CALN1: variants seen among roughly 807,000 people sequenced by gnomAD.
The protein encoded by CALN1 is calneuron 1.
A neutral mutation model predicts 30.6 loss-of-function variants in CALN1; 17 were observed. The ratio of observed to expected loss-of-function variants is 0.56; its 90% CI spans 0.38 to 0.83. The LOEUF (loss-of-function observed/expected upper bound fraction) is 0.83. Ranked by LOEUF, CALN1 falls within the 40% of genes least tolerant of loss-of-function variation. CALN1 has a pLI of 0.00. For synonymous variants in CALN1, 156 were observed against 131.4 expected, an observed-to-expected ratio of 1.19 and a Z score of -1.28; for missense variants, 291 against 354.9, an observed-to-expected ratio of 0.82 and a Z score of 1.45.
intron 3 of CALN1, among the ~76,000 whole-genome samples, chr7:72,194,590 C>T (rs1562717936): frequency 7.2e-6 from 1 of 138,798 alleles, no homozygotes; most frequent in Non-Finnish European, 1.5e-5. Flanking sequence ...CCTAACTGGC[C>T]TCTTTTTTTT....
chr7:71,953,166 C>A (rs1431234338), intron 5 of CALN1, among the ~76,000 whole-genome samples: 1 of 152,036 alleles, frequency 6.6e-6, no homozygotes, highest in African/African-American at 2.4e-5. Flanking sequence ...TTATGTTGCC[C>A]AGGGTGGTCT....
At chr7:71,947,449 A>G (rs1796462445) in intron 5 of CALN1, among the ~76,000 whole-genome samples, 1 of 152,214 alleles carries the variant, frequency 6.6e-6, no homozygotes, top group East Asian at 1.9e-4. Context: ...TGATACTGAT[A>G]GTGAGAATGA....
chr7:72,347,356 T>C (rs1395241878), intron 2 of CALN1, among the ~76,000 whole-genome samples: 2 of 151,776 alleles, frequency 1.3e-5, no homozygotes, highest in Non-Finnish European at 2.9e-5. Flanking sequence ...AGCCTCTGCC[T>C]CCCGGGTTCA....
At chr7:71,932,442 C>A (rs992807838) in intron 5 of CALN1, among the ~76,000 whole-genome samples, 4 of 152,112 alleles carry the variant, frequency 2.6e-5, no homozygotes, top group South Asian at 2.1e-4. Context: ...GCTGTGGTTA[C>A]AAGCATGAGC....
intron 5 of CALN1, among the ~76,000 whole-genome samples, chr7:71,968,183 G>T (rs569992700): frequency 3.3e-5 from 5 of 152,156 alleles, no homozygotes; most frequent in Admixed American, 2.6e-4. Context: ...GTAAGCTATG[G>T]TAGTACACTC....
chr7:71,790,264 G>A (rs1279613158), intron 6 of CALN1, among the ~76,000 whole-genome samples: 1 of 146,362 alleles, frequency 6.8e-6, no homozygotes, highest in Admixed American at 6.9e-5. Context: ...AAGAAAGAAA[G>A]CAAGAAAGCA....
Position 71,963,861 on chromosome 7 carries a change from T to C in CALN1, c.501+59796A>G, listed in dbSNP as rs985360098. ...AATGGGAAAACTGAGGCACAAAAAT[T>C]AAGTAACTCATCTAACATAAGAGGT... is the stretch of plus-strand genomic sequence containing the variant. On this transcript the variant is annotated intron_variant, in intron 5 of 6. Coordinates refer to ENST00000395275, the MANE Select transcript of CALN1 (RefSeq NM_031468.4). Among the ~76,000 whole-genome samples, 39 of 152,190 alleles carry C rather than the reference T, an allele frequency of 2.6e-4. 1 individual carries two copies. Among genetic ancestry groups the C allele is most frequent in the Admixed American group, 1.7e-3 (26 of 15,286 alleles).
chr7:72,194,058 C>T (rs1486111715), intron 3 of CALN1, among the ~76,000 whole-genome samples: 3 of 152,148 alleles, frequency 2.0e-5, no homozygotes, highest in African/African-American at 7.2e-5. Context: ...CACTCAAGAA[C>T]TTAGTCATCT....
intron 3 of CALN1, among the ~76,000 whole-genome samples, chr7:72,170,710 C>A (rs577454938): frequency 2.0e-5 from 3 of 152,186 alleles, no homozygotes; most frequent in Non-Finnish European, 4.4e-5. Flanking sequence ...AGTTTCAAAA[C>A]AACTAAGAAA....
At chr7:71,900,330 A>C (rs73185058) in intron 5 of CALN1, among the ~76,000 whole-genome samples, 8,420 of 152,308 alleles carry the variant, frequency 0.055, 311 homozygotes, top group Non-Finnish European at 0.088. Context: ...CTATCAAGAG[A>C]AAGAAAGACA....
At chr7:72,334,877 A>C (rs560800367) in intron 2 of CALN1, among the ~76,000 whole-genome samples, 1 of 152,262 alleles carries the variant, frequency 6.6e-6, no homozygotes, top group Non-Finnish European at 1.5e-5. Context: ...TGAAAAACCC[A>C]CACGTCTGCA....
At chr7:72,108,258 T>C (rs1807318115) in intron 3 of CALN1, among the ~76,000 whole-genome samples, 1 of 152,246 alleles carries the variant, frequency 6.6e-6, no homozygotes, top group Admixed American at 6.5e-5. Flanking sequence ...TCTGTTTGCA[T>C]TAGGGACCAC....
At chr7:72,228,198 C>T (rs1440806880) in intron 3 of CALN1, among the ~76,000 whole-genome samples, 1 of 151,956 alleles carries the variant, frequency 6.6e-6, no homozygotes, top group Non-Finnish European at 1.5e-5. Flanking sequence ...TTTCTCTCAT[C>T]TAATTAGTTT....
chr7:72,236,783 ACTAT>A (rs1427653365), intron 3 of CALN1, among the ~76,000 whole-genome samples: 8 of 152,166 alleles, frequency 5.3e-5, no homozygotes, highest in Admixed American at 3.3e-4. Flanking sequence ...GGTATTTGTG[ACTAT>A]CTGTCACATG....
intron 6 of CALN1, among the ~76,000 whole-genome samples, chr7:71,804,072 G>T (rs1312432146): frequency 1.3e-5 from 2 of 151,954 alleles, no homozygotes; most frequent in Admixed American, 6.6e-5. Flanking sequence ...ACAATCTTTG[G>T]GGTCTTATTT....
upstream of CALN1, among the ~76,000 whole-genome samples, chr7:72,452,049 G>T (rs1391474748): frequency 6.6e-6 from 1 of 152,130 alleles, no homozygotes; most frequent in African/African-American, 2.4e-5. Flanking sequence ...CACTTTGGGA[G>T]AATTGAATGG....
chr7:72,284,143 A>G (rs2129554398), intron 2 of CALN1, among the ~76,000 whole-genome samples: 1 of 152,144 alleles, frequency 6.6e-6, no homozygotes, highest in South Asian at 2.1e-4. Flanking sequence ...AATTTTAAAA[A>G]TTTTAGTCAG....
chr7:72,308,562 G>A (rs765246449), intron 2 of CALN1, among the ~76,000 whole-genome samples: 6 of 152,124 alleles, frequency 3.9e-5, no homozygotes, highest in Admixed American at 6.5e-5. Flanking sequence ...TGAACGATAT[G>A]AGGGATCCTG....
chr7:72,302,782 C>T (rs1188017567), intron 2 of CALN1, among the ~76,000 whole-genome samples: 5 of 148,508 alleles, frequency 3.4e-5, no homozygotes, highest in African/African-American at 1.2e-4. Context: ...GTAGTCCCAG[C>T]TACTAGGGAG....
Sources: gnomAD v4.1 joint callset for allele counts (sites outside exome capture counted in the v4.1 genomes callset) on GRCh38, gnomAD v4.1.1 for gene constraint, MANE v1.5 for transcripts, NCBI Gene and HGNC (gene_info 2026-07-23, HGNC 2026-07-21) for gene names.